Variants in PCDH17 observed in about 807,000 individuals in gnomAD.
PCDH17 encodes the protein protocadherin-17.
PCDH17 carries 21 observed loss-of-function variants against 67.7 expected under a neutral mutation model. The ratio of observed to expected loss-of-function variants is 0.31; its 90% CI spans 0.22 to 0.45. The LOEUF (loss-of-function observed/expected upper bound fraction) is 0.45, where lower values mean the gene tolerates loss of function less well. Among genes scored for constraint, PCDH17 ranks in the 20% least tolerant of loss-of-function variants. The probability of loss-of-function intolerance (pLI) is 1.00; values close to 1 mark genes in which losing one functional copy is unlikely to be tolerated. For missense variants in PCDH17, 1,471 were observed against 1,564.8 expected (o/e 0.94, Z 1.01); for synonymous variants, 701 against 656.7 (o/e 1.07, Z -1.03).
At chr13:57,676,237 A>C (rs868238945) in intron 3 of PCDH17, among the ~76,000 whole-genome samples, 1 of 151,900 alleles carries the variant, frequency 6.6e-6, no homozygotes, top group African/African-American at 2.4e-5. Flanking sequence ...AAACAAAAAA[A>C]CAACTTCAGT....
intron 3 of PCDH17, among the ~76,000 whole-genome samples, chr13:57,699,976 C>T (rs901354838): frequency 1.3e-5 from 2 of 152,038 alleles, no homozygotes; most frequent in Admixed American, 6.6e-5. Context: ...TATCTTATGT[C>T]ATGGTTTACT....
intron 3 of PCDH17, among the ~76,000 whole-genome samples, chr13:57,701,627 G>GA (rs1248193148): frequency 4.0e-5 from 6 of 151,892 alleles, no homozygotes; most frequent in South Asian, 2.1e-4. Context: ...TTATTCTTCA[G>GA]AAAAAATGTG....
At chr13:57,644,075 G>T (rs1954936353) in intron 1 of PCDH17, among the ~76,000 whole-genome samples, 3 of 151,662 alleles carry the variant, frequency 2.0e-5, no homozygotes, top group Admixed American at 6.6e-5. Context: ...TAATATCAAT[G>T]CATACCTTGA....
intron 3 of PCDH17, 64 bp from the exon 4 acceptor site, chr13:57,724,548 C>A: frequency 1.5e-6 from 2 of 1,343,052 alleles, no homozygotes; most frequent in Non-Finnish European, 2.1e-6. Context: ...CTGATCACAG[C>A]CTCTGTAGAA....
At chr13:57,717,628 G>A (rs544617107) in intron 3 of PCDH17, among the ~76,000 whole-genome samples, 175 of 152,104 alleles carry the variant, frequency 1.2e-3, no homozygotes, top group Non-Finnish European at 1.7e-3. Context: ...GAATGCAGCC[G>A]TGGCAATACA....
At chr13:57,687,388 G>A (rs1167056977) in intron 3 of PCDH17, among the ~76,000 whole-genome samples, 1 of 151,882 alleles carries the variant, frequency 6.6e-6, no homozygotes. Flanking sequence ...TTTCAATGGA[G>A]GTTCTTAGAA....
intron 1 of PCDH17, among the ~76,000 whole-genome samples, chr13:57,636,521 A>C (rs973536784): frequency 3.3e-5 from 5 of 152,100 alleles, no homozygotes; most frequent in African/African-American, 9.7e-5. Context: ...ACAATCTCAC[A>C]CTTGACACTA....
chr13:57,694,523 G>A (rs935520822), intron 3 of PCDH17, among the ~76,000 whole-genome samples: 5 of 151,096 alleles, frequency 3.3e-5, no homozygotes, highest in Admixed American at 6.6e-5. Flanking sequence ...CTTTACTTCA[G>A]AAGATAAAAG....
intron 3 of PCDH17, among the ~76,000 whole-genome samples, chr13:57,712,959 AAACATCACTGTT>A (rs1955789371): frequency 6.6e-6 from 1 of 151,674 alleles, no homozygotes; most frequent in Non-Finnish European, 1.5e-5. Context: ...AAAGTATTTA[AAACATCACTGTT>A]AGACACTTTT....
At chr13:57,657,126 A>C (rs1022521954) in intron 1 of PCDH17, among the ~76,000 whole-genome samples, 1 of 152,168 alleles carries the variant, frequency 6.6e-6, no homozygotes, top group African/African-American at 2.4e-5. Flanking sequence ...AAAGTTATCA[A>C]TGTCATTTCA....
chr13:57,671,126 C>T (rs983304722), intron 3 of PCDH17, among the ~76,000 whole-genome samples: 4 of 151,728 alleles, frequency 2.6e-5, no homozygotes, highest in African/African-American at 9.7e-5. Context: ...TCCATACCCC[C>T]CTTTCATCCT....
chr13:57,673,292 T>G (rs558175736), intron 3 of PCDH17, among the ~76,000 whole-genome samples: 1 of 152,092 alleles, frequency 6.6e-6, no homozygotes, highest in African/African-American at 2.4e-5. Context: ...CTGTTAAGAA[T>G]TCCTTTGTTA....
At chr13:57,667,529 T>C (rs1955268918) in intron 3 of PCDH17, among the ~76,000 whole-genome samples, 2 of 152,042 alleles carry the variant, frequency 1.3e-5, no homozygotes, top group Admixed American at 6.6e-5. Flanking sequence ...ATTACTCTTA[T>C]GTATAAGACT....
Position 57,725,220 on chromosome 13 carries a change from G to A in PCDH17, c.3406G>A (p.Glu1136Lys), listed in dbSNP as rs1303572644. 3.7e-6 allele frequency: 6 copies of A among 1,613,990 alleles called. No homozygotes were observed. Among genetic ancestry groups the A allele is most frequent in the Non-Finnish European group, 5.1e-6 (6 of 1,179,978 alleles). Residue 1136 changes from glutamate to lysine, a missense_variant, in exon 4 of 4, where the codon GAG (glutamate) becomes AAG (lysine). Around this residue, in one of 3 missense-constraint regions of PCDH17, gnomAD observed 297 missense variants for 298.6 expected, o/e 0.99. Transcript: ENST00000377918. ...RDLGRESVDA[E>K]EVVREIDKLL... ...TCTGGGCAGAGAGTCTGTGGATGCAGAGGAAGTTGTGAGAGAAATTGATAA... is the reference window on the plus strand; with the variant it reads ...TCTGGGCAGAGAGTCTGTGGATGCAAAGGAAGTTGTGAGAGAAATTGATAA...
Position 57,728,502 on chromosome 13 carries a change from T to C in PCDH17, c.*3208T>C, listed in dbSNP as rs1223303746. 9 of 129,110 alleles carry C rather than the reference T, an allele frequency of 7.0e-5. No individual in the cohort carries two copies. In the South Asian group the frequency reaches 7.7e-4, roughly 11 times the overall value. 8.0% of individuals were successfully genotyped at this position (129,110 alleles called of 1,614,324 possible). On this transcript the variant is annotated 3_prime_UTR_variant, in exon 4 of 4. Transcript: ENST00000377918. The stretch of plus-strand genomic sequence containing the variant: ...GTAAGAAACCCAAACTTCTAAAAAT[T>C]GCTTGCAGATGAGCTAAAAAAAAAA...
chr13:57,688,905 A>G (rs1955531635), intron 3 of PCDH17, among the ~76,000 whole-genome samples: 3 of 152,012 alleles, frequency 2.0e-5, no homozygotes, highest in Non-Finnish European at 4.4e-5. Flanking sequence ...AAGTTTTGCT[A>G]TTGTATCAAC....
chr13:57,720,039 TA>T (rs1333795100), intron 3 of PCDH17, among the ~76,000 whole-genome samples: 6 of 152,044 alleles, frequency 3.9e-5, no homozygotes, highest in Non-Finnish European at 5.9e-5. Context: ...CCCAACAATT[TA>T]AAAGCAGATA....
chr13:57,649,291 A>C (rs1279902075), intron 1 of PCDH17, among the ~76,000 whole-genome samples: 3 of 152,188 alleles, frequency 2.0e-5, no homozygotes, highest in African/African-American at 7.2e-5. Flanking sequence ...TAAATCAACA[A>C]GGAAATGGAA....
chr13:57,652,989 A>G (rs2592867), intron 1 of PCDH17, among the ~76,000 whole-genome samples: 18,367 of 152,166 alleles, frequency 0.12, 3,735 homozygotes, highest in African/African-American at 0.42. Flanking sequence ...GCTGTGACCT[A>G]TGTATAACAC....
Sources: allele counts gnomAD v4.1 joint callset (sites outside exome capture counted in the v4.1 genomes callset), GRCh38; gene constraint gnomAD v4.1.1; regional missense constraint gnomAD v4.1.1; transcripts MANE v1.5; gene names NCBI Gene and HGNC (gene_info 2026-07-23, HGNC 2026-07-21).